The following PAPPA2 variants were observed in gnomAD, a reference collection of about 807,000 sequenced individuals.
PAPPA2 encodes the protein pappalysin 2.
In PAPPA2, 86 loss-of-function variants were observed where a neutral mutation model predicts 176.4. That is an observed-to-expected ratio of 0.49 (90% CI 0.41 to 0.58). The LOEUF is 0.58. Among genes scored for constraint, PAPPA2 ranks in the 20% least tolerant of loss-of-function variants. The pLI, the probability that PAPPA2 is intolerant of heterozygous loss-of-function variation, is 0.00. For missense variants in PAPPA2, 2,073 were observed against 2,256.9 expected, an observed-to-expected ratio of 0.92 and a Z score of 1.65; for synonymous variants, 809 against 852.2, an observed-to-expected ratio of 0.95 and a Z score of 0.88.
chr1:176,668,344 T>C (rs192069872), intron 3 of PAPPA2, among the ~76,000 whole-genome samples: 6 of 152,320 alleles, frequency 3.9e-5, no homozygotes, highest in Admixed American at 6.5e-5. Flanking sequence ...CATCCCCTTT[T>C]AATACAAAGT....
intron 3 of PAPPA2, among the ~76,000 whole-genome samples, chr1:176,619,252 T>G (rs1300664044): frequency 6.6e-6 from 1 of 152,188 alleles, no homozygotes; most frequent in Non-Finnish European, 1.5e-5. Context: ...TTAAACAGAT[T>G]GAAGTTAAAT....
chr1:176,575,594 A>C (rs1652597761), intron 2 of PAPPA2, among the ~76,000 whole-genome samples: 1 of 152,208 alleles, frequency 6.6e-6, no homozygotes, highest in Non-Finnish European at 1.5e-5. Flanking sequence ...GTATTTATTA[A>C]ATATGCAATA....
At position 176,555,606 on chromosome 1, in the gene PAPPA2, G is replaced by C. The variant is rs1350058887; in HGVS notation, c.-717G>C. On this transcript the variant is annotated 5_prime_UTR_variant, in exon 2 of 23. Transcript: ENST00000367662. ...CATTCTAACCTTCACAGACAGACTG[G>C]AGGCTGGATGGGGACCTGGCTGAAG... 1.3e-5 allele frequency: 2 copies of C among 152,258 alleles called. No individual in the cohort carries two copies. Among genetic ancestry groups the C allele is most frequent in the African/African-American group, 4.8e-5 (2 of 41,464 alleles). 9.4% of individuals were successfully genotyped at this position (152,258 alleles called of 1,614,324 possible).
intron 3 of PAPPA2, among the ~76,000 whole-genome samples, chr1:176,659,560 A>T (rs1166413014): frequency 6.6e-6 from 1 of 152,130 alleles, no homozygotes; most frequent in Non-Finnish European, 1.5e-5. Flanking sequence ...GGACTCCAAC[A>T]TCTTATGGGG....
intron 4 of PAPPA2, among the ~76,000 whole-genome samples, chr1:176,683,535 T>C (rs752657823): frequency 1.3e-5 from 2 of 152,234 alleles, no homozygotes; most frequent in Non-Finnish European, 2.9e-5. Context: ...GCCCCCATGC[T>C]GATGAGCAGT....
In PAPPA2 at chr1:176,692,179, T is replaced by C; in HGVS notation, c.2485T>C (p.Tyr829His). 2.5e-6 allele frequency: 4 copies of C among 1,614,110 alleles called. No individual in the cohort carries two copies. The highest frequency in any genetic ancestry group is 3.4e-6 in the Non-Finnish European group (4 of 1,179,974). Residue 829 changes from tyrosine to histidine, a missense_variant, in exon 6 of 23, where the codon TAT becomes CAT. Around this residue, in one of 4 missense-constraint regions of PAPPA2, gnomAD observed 1,196 missense variants for 1,330.4 expected, o/e 0.90. Transcript: ENST00000367662. ...TPNQVARMHC[Y>H]LDLVYQQWTE... ...TAACCAAGTGGCCCGAATGCATTGC[T>C]ATTTGGACCTAGTCTATCAGCAGTG...
chr1:176,584,422 C>A (rs1573079199), intron 2 of PAPPA2, among the ~76,000 whole-genome samples: 1 of 150,908 alleles, frequency 6.6e-6, no homozygotes, highest in Non-Finnish European at 1.5e-5. Flanking sequence ...TAGTTTTTGA[C>A]TTAAAATCTG....
At chr1:176,563,854 T>C (rs138941479) in intron 2 of PAPPA2, among the ~76,000 whole-genome samples, 1 of 152,154 alleles carries the variant, frequency 6.6e-6, no homozygotes, top group Non-Finnish European at 1.5e-5. Context: ...TGGGGTGGCA[T>C]GGTTAAAGGC....
intron 3 of PAPPA2, among the ~76,000 whole-genome samples, chr1:176,635,011 A>C (rs1656613807): frequency 6.6e-6 from 1 of 151,756 alleles, no homozygotes; most frequent in Admixed American, 6.6e-5. Context: ...AGATAGATAG[A>C]TAGATGCACA....
At chr1:176,630,522 G>T (rs1330598159) in intron 3 of PAPPA2, among the ~76,000 whole-genome samples, 1 of 152,176 alleles carries the variant, frequency 6.6e-6, no homozygotes, top group Non-Finnish European at 1.5e-5. Context: ...AACAGATGAT[G>T]TGACAGGATC....
chr1:176,727,217 C>T (rs1168166222), intron 12 of PAPPA2, among the ~76,000 whole-genome samples: 1 of 151,966 alleles, frequency 6.6e-6, no homozygotes, highest in African/African-American at 2.4e-5. Flanking sequence ...AGACTTAAAC[C>T]CACCTATATC....
At chr1:176,766,908 A>ATT (rs377365153) in intron 15 of PAPPA2, among the ~76,000 whole-genome samples, 2,675 of 148,444 alleles carry the variant, frequency 0.018, 33 homozygotes, top group Middle Eastern at 0.041. Flanking sequence ...ACAAGAGTTG[A>ATT]TTTTTTTTTT....
chr1:176,594,213 A>T (rs1653819332), intron 2 of PAPPA2, among the ~76,000 whole-genome samples: 1 of 152,232 alleles, frequency 6.6e-6, no homozygotes, highest in South Asian at 2.1e-4. Flanking sequence ...CACATTCGTG[A>T]TGGAGTGCTA....
intron 21 of PAPPA2, among the ~76,000 whole-genome samples, chr1:176,810,336 G>A (rs1666094906): frequency 6.6e-6 from 1 of 152,026 alleles, no homozygotes; most frequent in African/African-American, 2.4e-5. Context: ...TGGTTTAGGG[G>A]GTCCCAACCT....
chr1:176,831,661 T>C (rs1667085097), intron 21 of PAPPA2, among the ~76,000 whole-genome samples: 1 of 152,186 alleles, frequency 6.6e-6, no homozygotes, highest in African/African-American at 2.4e-5. Flanking sequence ...AGAGAGTTTG[T>C]GTGACTTTGA....
At chr1:176,512,684 C>T (rs1224170252) in intron 1 of PAPPA2, among the ~76,000 whole-genome samples, 1 of 152,106 alleles carries the variant, frequency 6.6e-6, no homozygotes, top group Non-Finnish European at 1.5e-5. Context: ...GTATTGATTA[C>T]ACTGATGTGT....
chr1:176,669,685 A>G (rs1368472759), intron 3 of PAPPA2, among the ~76,000 whole-genome samples: 1 of 152,158 alleles, frequency 6.6e-6, no homozygotes, highest in Admixed American at 6.5e-5. Context: ...CTAAAGCAAG[A>G]TCTTTTTTTG....
intron 15 of PAPPA2, 57 bp downstream of exon 15, chr1:176,765,894 C>T: frequency 6.3e-7 from 1 of 1,579,384 alleles, no homozygotes; most frequent in Non-Finnish European, 8.6e-7. Flanking sequence ...GAGGTATTCA[C>T]ACTCTTCTCT....
intron 22 of PAPPA2, among the ~76,000 whole-genome samples, chr1:176,840,524 A>G (rs934778593): frequency 1.3e-5 from 2 of 152,284 alleles, no homozygotes; most frequent in African/African-American, 4.8e-5. Flanking sequence ...AAAGACTCAT[A>G]CCTGCTTATC....
Sources: gnomAD v4.1 joint callset for allele counts (sites outside exome capture counted in the v4.1 genomes callset) on GRCh38, gnomAD v4.1.1 for gene constraint, gnomAD v4.1.1 regional missense constraint, MANE v1.5 for transcripts, NCBI Gene and HGNC (gene_info 2026-07-23, HGNC 2026-07-21) for gene names.